The following FAM13C variants were observed in gnomAD, a reference collection of about 807,000 sequenced individuals.
FAM13C encodes family with sequence similarity 13 member C, also known as protein FAM13C.
In FAM13C, 37 loss-of-function variants were observed where a neutral mutation model predicts 73.2. The observed-to-expected ratio is 0.51, with a 90% CI of 0.39 to 0.67. The LOEUF (loss-of-function observed/expected upper bound fraction) is 0.67. FAM13C is among the 30% of genes least tolerant of loss of function. The probability of loss-of-function intolerance (pLI) is 0.00; values close to 1 mark genes in which losing one functional copy is unlikely to be tolerated. For synonymous variants in FAM13C, 246 were observed against 260.9 expected (o/e 0.94, Z 0.55); for missense variants, 589 against 715.6 (o/e 0.82, Z 2.02).
At chr10:59,347,454 A>G (rs1051526716) in intron 3 of FAM13C, among the ~76,000 whole-genome samples, 2 of 152,202 alleles carry the variant, frequency 1.3e-5, no homozygotes, top group Non-Finnish European at 2.9e-5. Context: ...AAGGTAAGAA[A>G]AGTGGAGCAT....
intron 4 of FAM13C, among the ~76,000 whole-genome samples, chr10:59,315,976 C>G (rs1053900882): frequency 3.5e-4 from 53 of 152,188 alleles, no homozygotes; most frequent in African/African-American, 1.1e-3. Flanking sequence ...GTCATCCAGG[C>G]TGCAGTGCAG....
At chr10:59,295,226 G>A (rs957852696) in intron 5 of FAM13C, among the ~76,000 whole-genome samples, 10 of 152,244 alleles carry the variant, frequency 6.6e-5, no homozygotes, top group African/African-American at 2.4e-4. Flanking sequence ...ATTTGCAAAT[G>A]TAATTAAAGC....
intron 4 of FAM13C, among the ~76,000 whole-genome samples, chr10:59,310,635 G>A (rs1025020831): frequency 4.0e-5 from 6 of 151,658 alleles, no homozygotes; most frequent in Non-Finnish European, 5.9e-5. Flanking sequence ...AACAAAACTC[G>A]AAGTCCATGG....
At chr10:59,318,706 A>G (rs1233651399) in intron 4 of FAM13C, among the ~76,000 whole-genome samples, 1 of 152,002 alleles carries the variant, frequency 6.6e-6, no homozygotes, top group Non-Finnish European at 1.5e-5. Context: ...CCTCCTTTCC[A>G]GCTCCCTTTC....
chr10:59,321,432 C>CTTTTTT (rs1057110939), intron 4 of FAM13C, among the ~76,000 whole-genome samples: 1 of 58,060 alleles, frequency 1.7e-5, no homozygotes, highest in African/African-American at 5.9e-5. Flanking sequence ...CTGCCAACAC[C>CTTTTTT]TTTTTTTTTT....
At chr10:59,254,558 TATC>T in intron 10 of FAM13C, 115 bp from the exon 11 acceptor site, 2 of 443,804 alleles carry the variant, frequency 4.5e-6, no homozygotes, top group Admixed American at 7.2e-5. Flanking sequence ...ATGCAGCAGT[TATC>T]ATGAAAAGGA....
chr10:59,272,986 T>G (rs1843890688), intron 6 of FAM13C, among the ~76,000 whole-genome samples: 1 of 152,110 alleles, frequency 6.6e-6, no homozygotes, highest in Admixed American at 6.6e-5. Flanking sequence ...AATAGGACAA[T>G]TATAACAAGA....
rs1849708789 is a variant in FAM13C at position 59,317,728 on chromosome 10, T to C, written c.443+6260A>G. ...TATTCTATGATCTGCTTGATGTAAATAGTGCTTCTTTTTTTTTCTTTTATT... is the reference window on the plus strand; with the variant it reads ...TATTCTATGATCTGCTTGATGTAAACAGTGCTTCTTTTTTTTTCTTTTATT... On this transcript the variant is annotated intron_variant, in intron 4 of 13. Transcript: ENST00000618804. Among the ~76,000 whole-genome samples the C allele has an allele frequency of 2.0e-5, 3 of 152,248 alleles. No homozygotes were observed. The South Asian group carries it at 6.2e-4, about 32-fold the overall frequency.
At chr10:59,321,963 C>T (rs1850364292) in intron 4 of FAM13C, among the ~76,000 whole-genome samples, 1 of 152,182 alleles carries the variant, frequency 6.6e-6, no homozygotes, top group African/African-American at 2.4e-5. Flanking sequence ...ACTGCTGAGA[C>T]TTAGCCTGGC....
At chr10:59,267,137 T>G (rs562599699) in intron 8 of FAM13C, among the ~76,000 whole-genome samples, 52 of 152,296 alleles carry the variant, frequency 3.4e-4, no homozygotes, top group African/African-American at 1.2e-3. Flanking sequence ...AACTGCCAGA[T>G]AAGAAGTGTT....
chr10:59,289,666 A>G (rs1398712035), intron 5 of FAM13C, among the ~76,000 whole-genome samples: 2 of 152,216 alleles, frequency 1.3e-5, no homozygotes, highest in East Asian at 1.9e-4. Flanking sequence ...TCATAGGGCT[A>G]TGGAGGAAAG....
intron 3 of FAM13C, among the ~76,000 whole-genome samples, chr10:59,337,260 CAGAG>C (rs1482999018): frequency 1.3e-5 from 2 of 152,224 alleles, no homozygotes; most frequent in East Asian, 3.8e-4. Flanking sequence ...CTGAGCAAAG[CAGAG>C]AGAGCTGATC....
At chr10:59,350,017 C>A (rs1377119513) in intron 3 of FAM13C, among the ~76,000 whole-genome samples, 1 of 152,164 alleles carries the variant, frequency 6.6e-6, no homozygotes, top group East Asian at 1.9e-4. Context: ...TACATTCTTA[C>A]GGCAATAGGA....
At chr10:59,264,192 G>A (rs759053855) in intron 8 of FAM13C, 26 bp from the exon 9 acceptor site, 12 of 1,530,882 alleles carry the variant, frequency 7.8e-6, no homozygotes, top group African/African-American at 1.4e-5. Flanking sequence ...AAAAATGGGG[G>A]TGGAAGGGAG....
chr10:59,334,765 G>C (rs541138510), intron 3 of FAM13C, among the ~76,000 whole-genome samples: 1 of 127,976 alleles, frequency 7.8e-6, no homozygotes, highest in African/African-American at 2.9e-5. Context: ...GTTGTGGGGT[G>C]GGGGGAGGGA....
Position 59,262,684 on chromosome 10 carries a change from C to A in FAM13C, c.1025-39G>T, listed in dbSNP as rs773821398. On this transcript the variant is annotated intron_variant, in intron 9 of 13. Coordinates refer to ENST00000618804, the MANE Select transcript of FAM13C (RefSeq NM_198215.4). ...TATGAGTTATCATAAGCAAAGAGAA[C>A]CCACTAGTTCTAAGAATGGAGAGAC... is the stretch of plus-strand genomic sequence containing the variant. The A allele has an allele frequency of 3.9e-6, 6 of 1,535,576 alleles. No individual in the cohort carries two copies. The Admixed American group carries it at 7.0e-5, about 18-fold the overall frequency.
chr10:59,286,876 A>C (rs1303102072), intron 5 of FAM13C, among the ~76,000 whole-genome samples: 1 of 151,040 alleles, frequency 6.6e-6, no homozygotes, highest in Non-Finnish European at 1.5e-5. Context: ...CTACGAAAAA[A>C]TACCAAAATT....
intron 6 of FAM13C, among the ~76,000 whole-genome samples, chr10:59,277,423 T>A (rs970321095): frequency 3.3e-5 from 5 of 152,164 alleles, no homozygotes; most frequent in African/African-American, 1.2e-4. Flanking sequence ...ATAATAGAGA[T>A]CCCTTGTATA....
intron 10 of FAM13C, among the ~76,000 whole-genome samples, chr10:59,255,440 T>TA (rs1388251937): frequency 6.6e-6 from 1 of 152,166 alleles, no homozygotes; most frequent in Non-Finnish European, 1.5e-5. Context: ...TCTGTCTATG[T>TA]ATCTGCCTAT....
Sources: gnomAD v4.1 joint callset for allele counts (sites outside exome capture counted in the v4.1 genomes callset) on GRCh38, gnomAD v4.1.1 for gene constraint, MANE v1.5 for transcripts, NCBI Gene and HGNC (gene_info 2026-07-23, HGNC 2026-07-21) for gene names.